The following GLDN variants were observed in gnomAD, a reference collection of about 807,000 sequenced individuals.
GLDN encodes collomin.
In GLDN, 47 loss-of-function variants were observed where a neutral mutation model predicts 56.5. The observed-to-expected ratio is 0.83, with a 90% CI of 0.66 to 1.06. The LOEUF is 1.06. Among genes scored for constraint, GLDN ranks in the 50% least tolerant of loss-of-function variants. The pLI, the probability that GLDN is intolerant of heterozygous loss-of-function variation, is 0.00. For missense variants in GLDN, 782 were observed against 714.3 expected (o/e 1.09, Z -1.08); for synonymous variants, 332 against 278.8 (o/e 1.19, Z -1.90).
chr15:51,361,660 C>CAT (rs1313991929), intron 1 of GLDN, among the ~76,000 whole-genome samples: 1 of 152,180 alleles, frequency 6.6e-6, no homozygotes, highest in Non-Finnish European at 1.5e-5. Flanking sequence ...GTGAACAAAA[C>CAT]ATATATATAT....
At position 51,368,312 on chromosome 15, in the gene GLDN, G is replaced by C. The variant is rs188643016; in HGVS notation, c.364-9137G>C. Among the ~76,000 whole-genome samples, 343 of 152,236 alleles carry C rather than the reference G, an allele frequency of 2.3e-3. 1 individual carries two copies. Among genetic ancestry groups the C allele is most frequent in the African/African-American group, 7.5e-3 (313 of 41,532 alleles). On this transcript the variant is annotated intron_variant, in intron 1 of 9. Transcript: ENST00000335449. Reference sequence around the variant, plus strand: ...GAGAAGTCAGCGTAACAGCGAAAAAGTGAGCCAGTGACTGGCCACGCTGCT... The same window carrying C: ...GAGAAGTCAGCGTAACAGCGAAAAACTGAGCCAGTGACTGGCCACGCTGCT...
chr15:51,375,221 T>C (rs1364992724), intron 1 of GLDN, among the ~76,000 whole-genome samples: 1 of 152,066 alleles, frequency 6.6e-6, no homozygotes, highest in Non-Finnish European at 1.5e-5. Flanking sequence ...TTTTGAAAAA[T>C]AGTTTAATGG....
chr15:51,355,990 G>C (rs546254501), intron 1 of GLDN, among the ~76,000 whole-genome samples: 1 of 148,834 alleles, frequency 6.7e-6, no homozygotes, highest in Non-Finnish European at 1.5e-5. Flanking sequence ...GGCGGATCAC[G>C]AGGTCAGAAG....
intron 9 of GLDN, among the ~76,000 whole-genome samples, chr15:51,402,471 G>A (rs1029403782): frequency 1.4e-4 from 21 of 152,214 alleles, no homozygotes; most frequent in African/African-American, 4.8e-4. Context: ...CTCCTCTATG[G>A]CCTTGGACAA....
At chr15:51,403,941 C>T (rs1395395290) in intron 9 of GLDN, among the ~76,000 whole-genome samples, 1 of 152,146 alleles carries the variant, frequency 6.6e-6, no homozygotes, top group African/African-American at 2.4e-5. Context: ...TTCAGGAGGT[C>T]AACAAACATC....
intron 2 of GLDN, among the ~76,000 whole-genome samples, chr15:51,378,108 T>C (rs12443032): frequency 0.18 from 27,990 of 152,134 alleles, 2,940 homozygotes; most frequent in Admixed American, 0.26. Flanking sequence ...CTCCCTCTCA[T>C]TACCTGCCTT....
intron 1 of GLDN, 190 bp from the exon 2 acceptor site, chr15:51,377,259 C>A: frequency 1.8e-6 from 1 of 569,480 alleles, no homozygotes; most frequent in Non-Finnish European, 3.1e-6. Flanking sequence ...TATGAAATCA[C>A]CATTGTGTAT....
chr15:51,403,180 G>A (rs1037169062), intron 9 of GLDN, among the ~76,000 whole-genome samples: 8 of 152,154 alleles, frequency 5.3e-5, no homozygotes, highest in Non-Finnish European at 7.3e-5. Context: ...GGGACCTGAC[G>A]GAGAAGCAGA....
chr15:51,377,610 T>G, intron 2 of GLDN, 110 bp downstream of exon 2: 2 of 722,998 alleles, frequency 2.8e-6, no homozygotes, highest in Non-Finnish European at 2.3e-6. Context: ...ACATGTTGGT[T>G]TACTTTTACC....
intron 3 of GLDN, 123 bp downstream of exon 3, chr15:51,383,576 T>C: frequency 8.3e-7 from 1 of 1,207,666 alleles, no homozygotes; most frequent in Non-Finnish European, 1.2e-6. Flanking sequence ...GTGTGTCTCC[T>C]TCTTTGTGCC....
Position 51,406,996 on chromosome 15 carries a change from A to G in GLDN, c.*2242A>G, listed in dbSNP as rs1397931812. The G allele has an allele frequency of 6.6e-6, 1 of 152,206 alleles. No homozygotes were observed. The highest frequency in any genetic ancestry group is 1.5e-5 in the Non-Finnish European group (1 of 68,034). The allele number at this position is 152,206 out of a possible 1,614,324, so 9.4% of individuals were successfully genotyped here. A position where few individuals can be genotyped will look rare whatever the true frequency, so the allele number is the denominator to read the frequency against. On this transcript the variant is annotated 3_prime_UTR_variant, in exon 10 of 10. Coordinates refer to ENST00000335449, the MANE Select transcript of GLDN (RefSeq NM_181789.4). ...TAATAGTACATACAATACTAATTGT[A>G]TATAAGGTAGCAACCAAAAGAGGTT...
intron 6 of GLDN, 125 bp downstream of exon 6, chr15:51,397,723 G>T: frequency 8.1e-7 from 1 of 1,230,264 alleles, no homozygotes; most frequent in Non-Finnish European, 1.1e-6. Flanking sequence ...CAAAATGAAA[G>T]TTCCCTTCTT....
chr15:51,383,895 A>AT lies in GLDN; in HGVS notation c.541+8dup. 6.3e-7 allele frequency: 1 copy of AT among 1,584,334 alleles called. No homozygotes were observed. ...AAATGGAAAAAGAGGAAAAATGGGT[A>AT]TTTTTGGCAACTCTTCTAATTAATT... On this transcript the variant is annotated splice_donor_region_variant and intron_variant, in intron 4 of 9. Coordinates refer to ENST00000335449, the MANE Select transcript of GLDN (RefSeq NM_181789.4).
chr15:51,375,575 G>C (rs1222609153), intron 1 of GLDN, among the ~76,000 whole-genome samples: 2 of 152,168 alleles, frequency 1.3e-5, no homozygotes, highest in East Asian at 3.9e-4. Context: ...GAATGGGAAG[G>C]GGTATACGGT....
intron 1 of GLDN, among the ~76,000 whole-genome samples, chr15:51,375,715 C>T (rs2037615360): frequency 6.6e-6 from 1 of 152,218 alleles, no homozygotes; most frequent in South Asian, 2.1e-4. Context: ...ATGAGAATCA[C>T]TGCCACCCAG....
chr15:51,381,942 T>A (rs2141097239), intron 2 of GLDN, among the ~76,000 whole-genome samples: 1 of 152,018 alleles, frequency 6.6e-6, no homozygotes, highest in South Asian at 2.1e-4. Flanking sequence ...CATGGCTCCC[T>A]CCTGCCTCAC....
In GLDN at chr15:51,398,155, C is replaced by T. The variant is rs143880082; in HGVS notation, c.817+557C>T. 1.3e-3 allele frequency among the ~76,000 whole-genome samples: 191 copies of T among 152,348 alleles called. 2 individuals are homozygous for T. The East Asian group carries it at 0.033, about 26-fold the overall frequency. On this transcript the variant is annotated intron_variant, in intron 6 of 9. Coordinates refer to ENST00000335449, the MANE Select transcript of GLDN (RefSeq NM_181789.4). ...CTAAGGAACTTGCCCAAGGTCCCTC[C>T]AGGAGTAAGTGGCGGAGCTACGATT...
At chr15:51,344,287 TC>T (rs2036938717) in intron 1 of GLDN, among the ~76,000 whole-genome samples, 1 of 152,184 alleles carries the variant, frequency 6.6e-6, no homozygotes, top group East Asian at 1.9e-4. Flanking sequence ...TGGCATAACT[TC>T]CTATCGATAG....
chr15:51,349,868 T>G (rs768004828), intron 1 of GLDN, among the ~76,000 whole-genome samples: 1 of 151,830 alleles, frequency 6.6e-6, no homozygotes, highest in Non-Finnish European at 1.5e-5. Flanking sequence ...GCCTCCCGAG[T>G]AGCTGGGATT....
Sources: gnomAD v4.1 joint callset for allele counts (sites outside exome capture counted in the v4.1 genomes callset) on GRCh38, gnomAD v4.1.1 for gene constraint, MANE v1.5 for transcripts, NCBI Gene and HGNC (gene_info 2026-07-23, HGNC 2026-07-21) for gene names.